FHIT: variants seen among roughly 807,000 people sequenced by gnomAD.
The protein encoded by FHIT is bis(5'-adenosyl)-triphosphatase.
A neutral mutation model predicts 17.9 loss-of-function variants in FHIT; 19 were observed. That is an observed-to-expected ratio of 1.06 (90% CI 0.74 to 1.56). The LOEUF is 1.56. Among genes scored for constraint, FHIT ranks in the 40% most tolerant of loss-of-function variants. The probability of loss-of-function intolerance (pLI) is 0.00; values close to 1 mark genes in which losing one functional copy is unlikely to be tolerated. For missense variants in FHIT, 248 were observed against 189.2 expected, an observed-to-expected ratio of 1.31 and a Z score of -1.82; for synonymous variants, 81 against 69.7, an observed-to-expected ratio of 1.16 and a Z score of -0.81.
chr3:59,898,431 CGTGTGTATGTTTGT>C (rs879319506), intron 8 of FHIT, among the ~76,000 whole-genome samples: 2 of 142,208 alleles, frequency 1.4e-5, no homozygotes, highest in Non-Finnish European at 3.0e-5. Context: ...TATATGTGTG[CGTGTGTATGTTTGT>C]GTGTGTGTGT....
chr3:60,277,688 G>T (rs1707222295), intron 5 of FHIT, among the ~76,000 whole-genome samples: 1 of 152,062 alleles, frequency 6.6e-6, no homozygotes. Context: ...AAACTCCAAT[G>T]CACTCTGCCA....
intron 4 of FHIT, among the ~76,000 whole-genome samples, chr3:60,751,165 T>C (rs2042458421): frequency 6.6e-6 from 1 of 152,232 alleles, no homozygotes; most frequent in Non-Finnish European, 1.5e-5. Flanking sequence ...GAGTGTTTAC[T>C]GTGGAAGTAA....
chr3:60,255,618 T>C (rs1206675461), intron 5 of FHIT, among the ~76,000 whole-genome samples: 2 of 152,092 alleles, frequency 1.3e-5, no homozygotes, highest in Non-Finnish European at 2.9e-5. Context: ...CTATGTGAAA[T>C]GTCCCAATAA....
chr3:60,048,068 G>A (rs1701722854), intron 5 of FHIT, among the ~76,000 whole-genome samples: 1 of 152,170 alleles, frequency 6.6e-6, no homozygotes, highest in African/African-American at 2.4e-5. Context: ...TTCACCGTGT[G>A]TGCACCTTCC....
chr3:60,206,171 A>AATAATTATTATTATT (rs1559727175), intron 5 of FHIT, among the ~76,000 whole-genome samples: 1 of 143,938 alleles, frequency 6.9e-6, no homozygotes, highest in Non-Finnish European at 1.5e-5. Flanking sequence ...TAATAATAAT[A>AATAATTATTATTATT]ATTATAACAC....
intron 5 of FHIT, among the ~76,000 whole-genome samples, chr3:60,177,486 A>C (rs1701732685): frequency 6.6e-6 from 1 of 152,204 alleles, no homozygotes; most frequent in Non-Finnish European, 1.5e-5. Context: ...AGGTAAAAGG[A>C]ATGATTCTAA....
chr3:60,401,790 T>C (rs140618460), intron 5 of FHIT, among the ~76,000 whole-genome samples: 1 of 152,230 alleles, frequency 6.6e-6, no homozygotes, highest in Non-Finnish European at 1.5e-5. Flanking sequence ...ACAGAAAAGA[T>C]AAAAGGAAAT....
intron 4 of FHIT, among the ~76,000 whole-genome samples, chr3:60,787,887 T>C (rs1369349719): frequency 1.3e-5 from 2 of 152,158 alleles, no homozygotes; most frequent in Non-Finnish European, 2.9e-5. Context: ...GGGTTTTCTT[T>C]TGCATTTTTG....
intron 3 of FHIT, among the ~76,000 whole-genome samples, chr3:60,915,407 T>C (rs982624213): frequency 9.2e-5 from 14 of 152,232 alleles, no homozygotes; most frequent in African/African-American, 3.4e-4. Context: ...GCAGTATTAC[T>C]AGTATTTAAC....
In FHIT at chr3:60,336,329, AG is replaced by A. The variant is rs1323252028; in HGVS notation, c.103+200530del. Among the ~76,000 whole-genome samples, 15 of 152,372 alleles carry A rather than the reference AG, an allele frequency of 9.8e-5. No homozygotes were observed. In the East Asian group the frequency reaches 2.7e-3, roughly 27 times the overall value. On this transcript the variant is annotated intron_variant, in intron 5 of 9. Transcript: ENST00000492590. Reference sequence around the variant, plus strand: ...CCCTGACCAAAAGGAAGTCTCAGACAGGTGAGCGCCATTTTGGCTCTTCTTT... The same window carrying A: ...CCCTGACCAAAAGGAAGTCTCAGACAGTGAGCGCCATTTTGGCTCTTCTTT...
intron 5 of FHIT, among the ~76,000 whole-genome samples, chr3:60,333,350 T>C (rs544436635): frequency 1.1e-4 from 16 of 152,354 alleles, no homozygotes; most frequent in African/African-American, 3.6e-4. Flanking sequence ...AAAGAAATCA[T>C]AGATCCCTTG....
chr3:60,641,379 A>C (rs1309507984), intron 4 of FHIT, among the ~76,000 whole-genome samples: 1 of 152,162 alleles, frequency 6.6e-6, no homozygotes, highest in African/African-American at 2.4e-5. Context: ...GAGGGTGTGA[A>C]GATGTCTATT....
At chr3:61,235,717 C>T (rs1022335986) in intron 1 of FHIT, among the ~76,000 whole-genome samples, 4 of 152,136 alleles carry the variant, frequency 2.6e-5, no homozygotes, top group African/African-American at 9.7e-5. Context: ...AAAAAGAACC[C>T]ATGTTGGATA....
In FHIT at chr3:59,829,596, A is replaced by C. The variant is rs1018124539; in HGVS notation, c.349-77275T>G. Among the ~76,000 whole-genome samples, 5 of 152,200 alleles carry C rather than the reference A, an allele frequency of 3.3e-5. No individual in the cohort carries two copies. In the East Asian group the frequency reaches 9.6e-4, roughly 29 times the overall value. On this transcript the variant is annotated intron_variant, in intron 8 of 9. Coordinates refer to ENST00000492590, the MANE Select transcript of FHIT (RefSeq NM_002012.4). ...ATTCGGTGGTATGGAAAAGACATAT[A>C]CTATTCCATGAATATCCATGTGCTC...
chr3:59,960,868 A>G (rs939336055), intron 7 of FHIT, among the ~76,000 whole-genome samples: 6 of 152,158 alleles, frequency 3.9e-5, no homozygotes, highest in African/African-American at 1.4e-4. Context: ...AGAGAGGACC[A>G]ATTACTAGTT....
intron 4 of FHIT, among the ~76,000 whole-genome samples, chr3:60,590,985 T>C (rs2142041): frequency 0.052 from 7,855 of 152,100 alleles, 697 homozygotes; most frequent in African/African-American, 0.18. Context: ...GGAAATACTA[T>C]TGCTTAATCA....
At chr3:60,922,276 A>G (rs1553768602) in intron 3 of FHIT, among the ~76,000 whole-genome samples, 1 of 152,150 alleles carries the variant, frequency 6.6e-6, no homozygotes, top group African/African-American at 2.4e-5. Flanking sequence ...TGGCCTCTTT[A>G]CCTTCATCTC....
chr3:59,900,954 T>C (rs1020508755), intron 8 of FHIT, among the ~76,000 whole-genome samples: 2 of 152,178 alleles, frequency 1.3e-5, no homozygotes, highest in Non-Finnish European at 2.9e-5. Flanking sequence ...TTCTTTGATA[T>C]GATAACCTTG....
chr3:59,808,986 T>C (rs564146240), intron 8 of FHIT, among the ~76,000 whole-genome samples: 3 of 152,272 alleles, frequency 2.0e-5, no homozygotes, highest in Admixed American at 2.0e-4. Context: ...TGAAGTATCA[T>C]TTTCCCGGTG....
Sources: allele counts gnomAD v4.1 joint callset (sites outside exome capture counted in the v4.1 genomes callset), GRCh38; gene constraint gnomAD v4.1.1; transcripts MANE v1.5; gene names NCBI Gene and HGNC (gene_info 2026-07-23, HGNC 2026-07-21).